The following RUNX1T1 variants were observed in gnomAD, a reference collection of about 807,000 sequenced individuals.
The protein encoded by RUNX1T1 is RUNX1 partner transcriptional co-repressor 1.
In RUNX1T1, 4 loss-of-function variants were observed where a neutral mutation model predicts 62.8. The ratio of observed to expected loss-of-function variants is 0.06; its 90% CI spans 0.03 to 0.15. The LOEUF (loss-of-function observed/expected upper bound fraction) is 0.15, where lower values mean the gene tolerates loss of function less well. Among genes scored for constraint, RUNX1T1 ranks in the 10% least tolerant of loss-of-function variants. RUNX1T1 has a pLI of 1.00. For synonymous variants in RUNX1T1, 291 were observed against 286.0 expected (o/e 1.02, Z -0.18); for missense variants, 508 against 754.3 (o/e 0.67, Z 3.82).
intron 1 of RUNX1T1, among the ~76,000 whole-genome samples, chr8:92,021,350 G>C (rs1330599835): frequency 1.3e-5 from 2 of 152,156 alleles, no homozygotes; most frequent in Non-Finnish European, 2.9e-5. Flanking sequence ...CAATGTCTGG[G>C]TGTCAGATGT....
intron 1 of RUNX1T1, among the ~76,000 whole-genome samples, chr8:92,088,037 C>T (rs191803638): frequency 6.6e-6 from 1 of 152,148 alleles, no homozygotes; most frequent in Non-Finnish European, 1.5e-5. Context: ...AGGTCAAATG[C>T]GGAACTCATT....
intron 1 of RUNX1T1, chr8:92,062,500 T>C (rs1832209078): frequency 6.3e-7 from 1 of 1,595,746 alleles, no homozygotes; most frequent in Non-Finnish European, 8.6e-7. Context: ...AAAGTAAGCT[T>C]TCTTCATTGG....
At chr8:91,996,609 G>A (rs1019705078) in intron 5 of RUNX1T1, among the ~76,000 whole-genome samples, 2 of 152,056 alleles carry the variant, frequency 1.3e-5, no homozygotes, top group Admixed American at 1.3e-4. Flanking sequence ...CTTCTCTCTC[G>A]AGGTTTAATG....
chr8:92,048,519 T>A (rs980140513), intron 1 of RUNX1T1, among the ~76,000 whole-genome samples: 8 of 151,888 alleles, frequency 5.3e-5, no homozygotes, highest in Non-Finnish European at 1.2e-4. Context: ...TCTCTCTTTT[T>A]AAAAAATTTT....
intron 1 of RUNX1T1, chr8:92,095,338 G>A (rs1222457955): frequency 6.5e-7 from 1 of 1,533,900 alleles, no homozygotes; most frequent in South Asian, 1.2e-5. Context: ...CCCTGTTCAC[G>A]GAGATTACCT....
chr8:92,001,430 A>G (rs554979060), intron 5 of RUNX1T1, among the ~76,000 whole-genome samples: 3 of 152,314 alleles, frequency 2.0e-5, no homozygotes, highest in South Asian at 4.1e-4. Context: ...GACAAATTAC[A>G]TAACTCTGAA....
intron 1 of RUNX1T1, among the ~76,000 whole-genome samples, chr8:92,060,761 A>G (rs919310126): frequency 1.3e-5 from 2 of 152,116 alleles, no homozygotes; most frequent in Admixed American, 6.6e-5. Context: ...AAACATATTT[A>G]GAGGTAGTCC....
intron 1 of RUNX1T1, among the ~76,000 whole-genome samples, chr8:92,023,877 T>A (rs1824602273): frequency 6.6e-6 from 1 of 152,116 alleles, no homozygotes; most frequent in Non-Finnish European, 1.5e-5. Flanking sequence ...TAGTCCAAGA[T>A]AGGCAGTATC....
intron 1 of RUNX1T1, among the ~76,000 whole-genome samples, chr8:92,043,192 C>T (rs1174875894): frequency 9.9e-5 from 15 of 152,002 alleles, no homozygotes; most frequent in African/African-American, 3.4e-4. Context: ...TAGCATTCTG[C>T]CCCCTCCAAA....
At chr8:92,012,955 G>A (rs11776021) in intron 3 of RUNX1T1, among the ~76,000 whole-genome samples, 35,607 of 151,712 alleles carry the variant, frequency 0.23, 4,408 homozygotes, top group African/African-American at 0.31. Context: ...AGTATTTCAC[G>A]CAAAAGTATG....
chr8:92,048,954 G>A (rs978878247), intron 1 of RUNX1T1, among the ~76,000 whole-genome samples: 1 of 152,122 alleles, frequency 6.6e-6, no homozygotes, highest in African/African-American at 2.4e-5. Context: ...AAATGAGGAG[G>A]TATGGTGGCT....
At chr8:92,044,697 C>A (rs150074805) in intron 1 of RUNX1T1, among the ~76,000 whole-genome samples, 2 of 152,294 alleles carry the variant, frequency 1.3e-5, no homozygotes, top group African/African-American at 4.8e-5. Flanking sequence ...TATTGAGGAC[C>A]AACATGTATG....
intron 1 of RUNX1T1, among the ~76,000 whole-genome samples, chr8:92,039,720 GGTT>G (rs1554633421): frequency 2.6e-5 from 4 of 152,136 alleles, no homozygotes; most frequent in Non-Finnish European, 5.9e-5. Flanking sequence ...TCCCCATTCT[GGTT>G]GATGGCAACC....
intron 2 of RUNX1T1, among the ~76,000 whole-genome samples, chr8:92,075,408 G>A (rs570821871): frequency 6.6e-6 from 1 of 152,300 alleles, no homozygotes; most frequent in African/African-American, 2.4e-5. Context: ...GTTTATATTT[G>A]CTGTTTTCCT....
chr8:92,054,339 T>C (rs1428245461), intron 1 of RUNX1T1, among the ~76,000 whole-genome samples: 2 of 152,182 alleles, frequency 1.3e-5, no homozygotes, highest in East Asian at 1.9e-4. Flanking sequence ...GAAAATTTCA[T>C]CTAACCTAGA....
chr8:92,009,187 T>C (rs1821456432), intron 4 of RUNX1T1, among the ~76,000 whole-genome samples: 2 of 152,220 alleles, frequency 1.3e-5, no homozygotes, highest in Admixed American at 1.3e-4. Flanking sequence ...CAAAGCAATT[T>C]TGTTTGCTCT....
chr8:92,088,558 A>T (rs541001234), intron 1 of RUNX1T1, among the ~76,000 whole-genome samples: 4 of 152,350 alleles, frequency 2.6e-5, no homozygotes, highest in African/African-American at 9.6e-5. Context: ...TTTCCCTGGC[A>T]CCATGATCTG....
At chr8:92,000,891 G>A (rs1048073862) in intron 5 of RUNX1T1, among the ~76,000 whole-genome samples, 1 of 152,196 alleles carries the variant, frequency 6.6e-6, no homozygotes, top group Non-Finnish European at 1.5e-5. Context: ...TCTTAGTTGA[G>A]TTTCCTTATT....
chr8:92,010,021 T>G (rs548371747), intron 4 of RUNX1T1: 6 of 152,332 alleles, frequency 3.9e-5, no homozygotes, highest in African/African-American at 1.4e-4. Flanking sequence ...TCTAGGCTTC[T>G]GGATACTTAC....
Sources: gnomAD v4.1 joint callset for allele counts (sites outside exome capture counted in the v4.1 genomes callset) on GRCh38, gnomAD v4.1.1 for gene constraint, MANE v1.5 for transcripts, NCBI Gene and HGNC (gene_info 2026-07-23, HGNC 2026-07-21) for gene names.